Variants in FGF10 observed in about 807,000 individuals in gnomAD.
The protein encoded by FGF10 is fibroblast growth factor 10.
In FGF10, 2 loss-of-function variants were observed where a neutral mutation model predicts 19.8. That is an observed-to-expected ratio of 0.10 (90% CI 0.04 to 0.32). FGF10 has a LOEUF of 0.32. FGF10 is among the 10% of genes least tolerant of loss of function. The probability of loss-of-function intolerance (pLI) is 1.00; values close to 1 mark genes in which losing one functional copy is unlikely to be tolerated. For synonymous variants in FGF10, 112 were observed against 94.0 expected (o/e 1.19, Z -1.10); for missense variants, 191 against 246.3 (o/e 0.78, Z 1.50).
At chr5:44,345,421 A>G (rs1034905672) in intron 1 of FGF10, among the ~76,000 whole-genome samples, 2 of 151,834 alleles carry the variant, frequency 1.3e-5, no homozygotes, top group African/African-American at 4.8e-5. Context: ...ACTTCCATTC[A>G]TCTTAACCAA....
chr5:44,376,216 T>C (rs1293107654), intron 1 of FGF10, among the ~76,000 whole-genome samples: 1 of 151,942 alleles, frequency 6.6e-6, no homozygotes, highest in African/African-American at 2.4e-5. Flanking sequence ...ACTTAAAAGA[T>C]GCAGAGACCA....
At chr5:44,321,841 A>G (rs565569188) in intron 1 of FGF10, among the ~76,000 whole-genome samples, 150 of 152,248 alleles carry the variant, frequency 9.9e-4, no homozygotes, top group African/African-American at 3.5e-3. Context: ...AGTTCACCAC[A>G]ACCTCTGCCT....
intron 1 of FGF10, among the ~76,000 whole-genome samples, chr5:44,355,483 A>G (rs750290564): frequency 6.6e-6 from 1 of 150,838 alleles, no homozygotes; most frequent in Non-Finnish European, 1.5e-5. Context: ...ATGTATTTAT[A>G]ATATATATTT....
At chr5:44,334,492 A>AT (rs966877543) in intron 1 of FGF10, among the ~76,000 whole-genome samples, 24 of 150,594 alleles carry the variant, frequency 1.6e-4, no homozygotes, top group Admixed American at 2.7e-4. Context: ...CCACAGGGAA[A>AT]TTTTTTTTTT....
At chr5:44,323,917 G>T (rs1740554415) in intron 1 of FGF10, among the ~76,000 whole-genome samples, 1 of 152,076 alleles carries the variant, frequency 6.6e-6, no homozygotes, top group Non-Finnish European at 1.5e-5. Context: ...GTGGGAATTG[G>T]TGCTACAAAA....
chr5:44,317,158 C>T (rs566594083), intron 1 of FGF10, among the ~76,000 whole-genome samples: 20 of 152,284 alleles, frequency 1.3e-4, no homozygotes, highest in Non-Finnish European at 2.8e-4. Context: ...TACCATTATA[C>T]ACTCTGGTTG....
intron 1 of FGF10, among the ~76,000 whole-genome samples, chr5:44,363,204 C>T (rs1017451991): frequency 4.6e-5 from 7 of 151,714 alleles, no homozygotes; most frequent in Non-Finnish European, 8.8e-5. Flanking sequence ...CTGAATTCAC[C>T]GTTAATACAG....
intron 1 of FGF10, among the ~76,000 whole-genome samples, chr5:44,352,541 T>A (rs1741258308): frequency 6.6e-6 from 1 of 151,590 alleles, no homozygotes; most frequent in African/African-American, 2.4e-5. Flanking sequence ...CTCAAAAACA[T>A]CTATGAAAGT....
intron 1 of FGF10, among the ~76,000 whole-genome samples, chr5:44,373,691 C>T (rs1265044862): frequency 6.6e-6 from 1 of 152,082 alleles, no homozygotes; most frequent in Non-Finnish European, 1.5e-5. Flanking sequence ...TGTCCACCAG[C>T]TTTCTGTTTA....
At chr5:44,383,875 C>T (rs1273990196) in intron 1 of FGF10, among the ~76,000 whole-genome samples, 3 of 151,966 alleles carry the variant, frequency 2.0e-5, no homozygotes, top group South Asian at 2.1e-4. Context: ...ACTCTTGTGT[C>T]GTTATTAGAA....
intron 1 of FGF10, among the ~76,000 whole-genome samples, chr5:44,335,038 A>G (rs1740816475): frequency 6.6e-6 from 1 of 152,162 alleles, no homozygotes; most frequent in Non-Finnish European, 1.5e-5. Context: ...ATCTTTTCCA[A>G]GTACTTCCAG....
chr5:44,317,121 T>G lies in FGF10; in HGVS notation c.326-6591A>C, dbSNP rs546860954. ...AAAGGAGGGTACTAGACTGGGCTAA[T>G]CAGTAATCTATGTCTAGTCCACCTC... On this transcript the variant is annotated intron_variant, in intron 1 of 2. Transcript: ENST00000264664. 1.8e-4 allele frequency among the ~76,000 whole-genome samples: 28 copies of G among 152,312 alleles called. 1 individual carries two copies. The highest frequency in any genetic ancestry group is 1.2e-4 in the Non-Finnish European group (8 of 68,022).
rs145586984 is a variant in FGF10 at position 44,303,599 on chromosome 5, G to A, written c.*1396C>T. On this transcript the variant is annotated 3_prime_UTR_variant, in exon 3 of 3. Coordinates refer to ENST00000264664, the MANE Select transcript of FGF10 (RefSeq NM_004465.2). ...GTGATGATGATTGGTAAACTCTTATGTACTCTTTTCTATACCTGCTCTAAC... is the reference window on the plus strand; with the variant it reads ...GTGATGATGATTGGTAAACTCTTATATACTCTTTTCTATACCTGCTCTAAC... The A allele has an allele frequency of 3.0e-3, 455 of 152,200 alleles. 7 individuals are homozygous for A. Among genetic ancestry groups the A allele is most frequent in the African/African-American group, 9.8e-3 (405 of 41,532 alleles). The allele number at this position is 152,200 out of a possible 1,614,324, so 9.4% of individuals were successfully genotyped here.
intron 1 of FGF10, among the ~76,000 whole-genome samples, chr5:44,330,909 T>TA (rs1740721282): frequency 6.6e-6 from 1 of 152,206 alleles, no homozygotes; most frequent in African/African-American, 2.4e-5. Flanking sequence ...TGCTTAAAAT[T>TA]AAAAAAATGG....
At chr5:44,330,491 T>C (rs1413681929) in intron 1 of FGF10, among the ~76,000 whole-genome samples, 4 of 152,200 alleles carry the variant, frequency 2.6e-5, no homozygotes, top group Non-Finnish European at 4.4e-5. Context: ...CACCAGCAAT[T>C]TGCCTCTGTT....
At position 44,314,506 on chromosome 5, in the gene FGF10, T is replaced by G. The variant is rs185875154; in HGVS notation, c.326-3976A>C. Among the ~76,000 whole-genome samples the G allele has an allele frequency of 1.8e-4, 28 of 152,304 alleles. No individual in the cohort carries two copies. The East Asian group carries it at 5.2e-3, about 28-fold the overall frequency. ...TGACAAAAATCAGTTCATATTACTT[T>G]GCGAATGTTCCCTCATGATGCATCA... is the stretch of plus-strand genomic sequence containing the variant. On this transcript the variant is annotated intron_variant, in intron 1 of 2. Coordinates refer to ENST00000264664, the MANE Select transcript of FGF10 (RefSeq NM_004465.2).
In FGF10 at chr5:44,304,318, G is replaced by T. The variant is rs1160913345; in HGVS notation, c.*677C>A. ...AGATAAATCAGAAGACAGCTGCTGAGATACTCTTTAAAACCCCAAAAGATA... is the reference window on the plus strand; with the variant it reads ...AGATAAATCAGAAGACAGCTGCTGATATACTCTTTAAAACCCCAAAAGATA... On this transcript the variant is annotated 3_prime_UTR_variant, in exon 3 of 3. Transcript: ENST00000264664. 1 of 152,284 alleles carries T rather than the reference G, an allele frequency of 6.6e-6. No homozygotes were observed. Among genetic ancestry groups the T allele is most frequent in the Non-Finnish European group, 1.5e-5 (1 of 68,170 alleles). The allele number at this position is 152,284 out of a possible 1,614,324, so 9.4% of individuals were successfully genotyped here.
chr5:44,312,528 T>A (rs994049462), intron 1 of FGF10, among the ~76,000 whole-genome samples: 1 of 152,084 alleles, frequency 6.6e-6, no homozygotes, highest in Non-Finnish European at 1.5e-5. Flanking sequence ...TCAAGATAAT[T>A]TTCTTTAATG....
At chr5:44,347,377 C>T (rs550305538) in intron 1 of FGF10, among the ~76,000 whole-genome samples, 1 of 151,854 alleles carries the variant, frequency 6.6e-6, no homozygotes, top group South Asian at 2.1e-4. Flanking sequence ...GAAATGCGAG[C>T]AACCCTTTAT....
Sources: gnomAD v4.1 joint callset for allele counts (sites outside exome capture counted in the v4.1 genomes callset) on GRCh38, gnomAD v4.1.1 for gene constraint, MANE v1.5 for transcripts, NCBI Gene and HGNC (gene_info 2026-07-23, HGNC 2026-07-21) for gene names.